BTBD9: variants seen among roughly 807,000 people sequenced by gnomAD.
BTBD9 encodes the protein BTB/POZ domain-containing protein 9.
A neutral mutation model predicts 64.3 loss-of-function variants in BTBD9; 49 were observed. The observed-to-expected ratio is 0.76, with a 90% CI of 0.61 to 0.97. The LOEUF (loss-of-function observed/expected upper bound fraction) is 0.97, where lower values mean the gene tolerates loss of function less well. Among genes scored for constraint, BTBD9 ranks in the 50% least tolerant of loss-of-function variants. The pLI is 0.00. For missense variants in BTBD9, 598 were observed against 762.1 expected (o/e 0.78, Z 2.53); for synonymous variants, 260 against 274.7 (o/e 0.95, Z 0.53).
intron 7 of BTBD9, among the ~76,000 whole-genome samples, chr6:38,316,408 A>G (rs1763030373): frequency 6.6e-6 from 1 of 151,146 alleles, no homozygotes; most frequent in African/African-American, 2.4e-5. Flanking sequence ...AGTGAAGGTG[A>G]TTTTTTCTGG....
At chr6:38,412,244 G>A (rs1471620617) in intron 6 of BTBD9, among the ~76,000 whole-genome samples, 4 of 151,978 alleles carry the variant, frequency 2.6e-5, no homozygotes, top group African/African-American at 9.7e-5. Flanking sequence ...AATATATAAA[G>A]AATTCCTAAA....
rs975908896 is a variant in BTBD9, at chr6:38,378,741, G to T, written c.1155-33648C>A. 7.3e-5 allele frequency among the ~76,000 whole-genome samples: 11 copies of T among 151,652 alleles called. No individual in the cohort carries two copies. In the South Asian group the frequency reaches 1.9e-3, roughly 26 times the overall value. On this transcript the variant is annotated intron_variant, in intron 6 of 10. Coordinates refer to ENST00000481247, the MANE Select transcript of BTBD9 (RefSeq NM_001099272.2). ...ATACAAAAATTAGCTGGGCGTGGTG[G>T]TGGGTACCTGTAATCTCAGCTACTC...
chr6:38,286,324 C>T (rs534542810), intron 8 of BTBD9, among the ~76,000 whole-genome samples: 1 of 152,302 alleles, frequency 6.6e-6, no homozygotes, highest in South Asian at 2.1e-4. Flanking sequence ...GCCTAAACAT[C>T]AATAAACCTT....
At chr6:38,584,939 G>C (rs1776446968) in intron 4 of BTBD9, among the ~76,000 whole-genome samples, 1 of 152,070 alleles carries the variant, frequency 6.6e-6, no homozygotes, top group South Asian at 2.1e-4. Context: ...AAGAGTATTT[G>C]CTTGGTGAGT....
chr6:38,614,659 C>T (rs1777728788), intron 1 of BTBD9, among the ~76,000 whole-genome samples: 1 of 152,218 alleles, frequency 6.6e-6, no homozygotes, highest in African/African-American at 2.4e-5. Flanking sequence ...AAGACACTGC[C>T]TTCGACCTCA....
rs563961500 is a variant in BTBD9, at chr6:38,393,874, AAG to A, written c.1155-48783_1155-48782del. Among the ~76,000 whole-genome samples, 273 of 152,322 alleles carry A rather than the reference AAG, an allele frequency of 1.8e-3. 1 individual carries two copies. The highest frequency in any genetic ancestry group is 6.0e-3 in the African/African-American group (249 of 41,574). ...CATTCTATTAAGAAGAACTGGGAGA[AAG>A]AGAAGAAAGGAGAAAGGGATATTTA... On this transcript the variant is annotated intron_variant, in intron 6 of 10. Coordinates refer to ENST00000481247, the MANE Select transcript of BTBD9 (RefSeq NM_001099272.2).
At chr6:38,569,683 C>T (rs551444009) in intron 6 of BTBD9, among the ~76,000 whole-genome samples, 5 of 152,214 alleles carry the variant, frequency 3.3e-5, no homozygotes, top group Non-Finnish European at 5.9e-5. Flanking sequence ...TTATTATCCT[C>T]TAAACAAAAC....
intron 5 of BTBD9, among the ~76,000 whole-genome samples, chr6:38,579,588 C>T (rs1486635865): frequency 1.3e-5 from 2 of 152,092 alleles, no homozygotes; most frequent in African/African-American, 4.8e-5. Flanking sequence ...AACTTTTTCA[C>T]AAATTTCTTT....
chr6:38,456,253 A>C (rs1769801493), intron 6 of BTBD9, among the ~76,000 whole-genome samples: 1 of 152,134 alleles, frequency 6.6e-6, no homozygotes, highest in African/African-American at 2.4e-5. Context: ...CTTCCTAAGT[A>C]CTGGGATTAC....
intron 6 of BTBD9, among the ~76,000 whole-genome samples, chr6:38,398,208 G>A (rs1766769135): frequency 6.6e-6 from 1 of 152,176 alleles, no homozygotes; most frequent in African/African-American, 2.4e-5. Context: ...TGGGTTCTAT[G>A]AAGCACAATT....
chr6:38,569,088 A>G (rs7742050), intron 6 of BTBD9, among the ~76,000 whole-genome samples: 3 of 152,242 alleles, frequency 2.0e-5, no homozygotes, highest in Non-Finnish European at 4.4e-5. Flanking sequence ...GAATGATGCT[A>G]TAGAAGCAGA....
chr6:38,515,410 A>T (rs1772978813), intron 6 of BTBD9, among the ~76,000 whole-genome samples: 1 of 152,218 alleles, frequency 6.6e-6, no homozygotes, highest in Non-Finnish European at 1.5e-5. Context: ...AATTTGCTTA[A>T]AAGATATCAC....
At chr6:38,323,196 T>C (rs1763301844) in intron 7 of BTBD9, among the ~76,000 whole-genome samples, 1 of 152,190 alleles carries the variant, frequency 6.6e-6, no homozygotes, top group Admixed American at 6.5e-5. Flanking sequence ...GGTCATGAAA[T>C]TACACAGCAG....
At chr6:38,460,783 C>T (rs1259120814) in intron 6 of BTBD9, among the ~76,000 whole-genome samples, 1 of 152,106 alleles carries the variant, frequency 6.6e-6, no homozygotes, top group African/African-American at 2.4e-5. Context: ...GCCATCACGC[C>T]CGGCTAACTT....
rs1296767815 is a variant in BTBD9, at chr6:38,170,550, A to C, written c.*4435T>G. The C allele has an allele frequency of 6.6e-6, 1 of 152,298 alleles. No homozygotes were observed. The highest frequency in any genetic ancestry group is 1.9e-4 in the East Asian group (1 of 5,200). 9.4% of individuals were successfully genotyped at this position (152,298 alleles called of 1,614,324 possible). ...CACTCTGCAAATGACCAGGGCCTCCAAATCCCGTCCAGCCCCAGGTATGAC... is the reference window on the plus strand; with the variant it reads ...CACTCTGCAAATGACCAGGGCCTCCCAATCCCGTCCAGCCCCAGGTATGAC... On this transcript the variant is annotated 3_prime_UTR_variant, in exon 11 of 11. Transcript: ENST00000481247.
intron 9 of BTBD9, among the ~76,000 whole-genome samples, chr6:38,207,711 A>T (rs533371251): frequency 6.6e-6 from 1 of 152,190 alleles, no homozygotes; most frequent in African/African-American, 2.4e-5. Flanking sequence ...GAGAATATAT[A>T]TACTTGTTTA....
In BTBD9 at chr6:38,246,872, T is replaced by C. The variant is rs1045019673; in HGVS notation, c.1562+9537A>G. ...TGGGATTTATGCGACAGTCAAGTGC[T>C]TCAATCTTCTTGGAAACTAACACGT... On this transcript the variant is annotated intron_variant, in intron 9 of 10. Transcript: ENST00000481247. Among the ~76,000 whole-genome samples, 12 of 152,298 alleles carry C rather than the reference T, an allele frequency of 7.9e-5. No homozygotes were observed. In the East Asian group the frequency reaches 2.1e-3, roughly 27 times the overall value.
At chr6:38,622,733 A>G (rs774565051) in intron 1 of BTBD9, among the ~76,000 whole-genome samples, 2 of 152,116 alleles carry the variant, frequency 1.3e-5, no homozygotes, top group East Asian at 1.9e-4. Context: ...GGCACCTACT[A>G]TCCCATCAGT....
intron 9 of BTBD9, among the ~76,000 whole-genome samples, chr6:38,248,414 G>A (rs1764281817): frequency 1.3e-5 from 2 of 152,192 alleles, no homozygotes; most frequent in South Asian, 2.1e-4. Flanking sequence ...AAATGTTTGC[G>A]AGGGGCACAG....
Sources: gnomAD v4.1 joint callset for allele counts (sites outside exome capture counted in the v4.1 genomes callset) on GRCh38, gnomAD v4.1.1 for gene constraint, MANE v1.5 for transcripts, NCBI Gene and HGNC (gene_info 2026-07-23, HGNC 2026-07-21) for gene names.